ACADSB: variants seen among roughly 807,000 people sequenced by gnomAD.
The protein encoded by ACADSB is acyl-CoA dehydrogenase short/branched chain.
ACADSB carries 40 observed loss-of-function variants against 54.1 expected under a neutral mutation model. The observed-to-expected ratio is 0.74, with a 90% CI of 0.57 to 0.96. The LOEUF (loss-of-function observed/expected upper bound fraction) is 0.96. Among genes scored for constraint, ACADSB ranks in the 40% least tolerant of loss-of-function variants. The pLI is 0.00. For synonymous variants in ACADSB, 182 were observed against 182.8 expected, an observed-to-expected ratio of 1.00 and a Z score of 0.03; for missense variants, 530 against 510.4, an observed-to-expected ratio of 1.04 and a Z score of -0.37.
chr10:123,025,285 C>T (rs1172245862), intron 1 of ACADSB, among the ~76,000 whole-genome samples: 1 of 151,642 alleles, frequency 6.6e-6, no homozygotes, highest in Non-Finnish European at 1.5e-5. Context: ...AGCGAGACCT[C>T]GTCTCTGCAA....
chr10:123,036,523 C>T (rs1850401152), intron 2 of ACADSB, among the ~76,000 whole-genome samples: 2 of 152,214 alleles, frequency 1.3e-5, no homozygotes, highest in Admixed American at 1.3e-4. Context: ...TCTTGATTCT[C>T]TGTCTTCAGT....
At chr10:123,046,056 T>G (rs771081412) in intron 7 of ACADSB, among the ~76,000 whole-genome samples, 6 of 152,208 alleles carry the variant, frequency 3.9e-5, no homozygotes, top group Non-Finnish European at 7.3e-5. Context: ...ATTATTTCAG[T>G]CTTCGTGTCA....
chr10:123,046,753 AGACG>A (rs1445050028), intron 7 of ACADSB, among the ~76,000 whole-genome samples: 1 of 152,228 alleles, frequency 6.6e-6, no homozygotes, highest in African/African-American at 2.4e-5. Flanking sequence ...TATACAAAAT[AGACG>A]GAAAGGTAGA....
At chr10:123,012,379 C>T (rs901996513) in intron 1 of ACADSB, among the ~76,000 whole-genome samples, 1 of 152,160 alleles carries the variant, frequency 6.6e-6, no homozygotes, top group Non-Finnish European at 1.5e-5. Context: ...GCTTGATCCC[C>T]AGTGCGGAGG....
At position 123,056,825 on chromosome 10, in the gene ACADSB, A is replaced by T. The variant is rs1451966799; in HGVS notation, c.*3060A>T. 1 of 152,608 alleles carries T rather than the reference A, an allele frequency of 6.6e-6. No individual in the cohort carries two copies. The highest frequency in any genetic ancestry group is 6.5e-5 in the Admixed American group (1 of 15,284). 9.5% of individuals were successfully genotyped at this position (152,608 alleles called of 1,614,324 possible). On this transcript the variant is annotated 3_prime_UTR_variant, in exon 11 of 11. Transcript: ENST00000358776. ...TGCACATTCATGTTTATTGAAGTGG[A>T]CTAATTTCTATAATGCAAATCAGAG...
intron 1 of ACADSB, among the ~76,000 whole-genome samples, chr10:123,017,939 T>G (rs1344875782): frequency 2.0e-5 from 3 of 152,216 alleles, no homozygotes; most frequent in Admixed American, 2.0e-4. Context: ...AGTTTAATCA[T>G]GCAGATGAAG....
intron 1 of ACADSB, among the ~76,000 whole-genome samples, chr10:123,021,156 GAA>G (rs1195824738): frequency 6.6e-6 from 1 of 152,178 alleles, no homozygotes; most frequent in East Asian, 1.9e-4. Flanking sequence ...TCAAGGGAGA[GAA>G]AGCCAAATTT....
chr10:123,028,828 C>G (rs922405797), intron 1 of ACADSB, among the ~76,000 whole-genome samples: 2 of 151,866 alleles, frequency 1.3e-5, no homozygotes. Flanking sequence ...GCCAGGAGTT[C>G]AAGGCCAGCC....
intron 1 of ACADSB, among the ~76,000 whole-genome samples, chr10:123,021,110 C>A (rs1850179049): frequency 6.6e-6 from 1 of 152,222 alleles, no homozygotes; most frequent in Non-Finnish European, 1.5e-5. Context: ...AAACAAGCAT[C>A]TTTCATTATC....
intron 1 of ACADSB, among the ~76,000 whole-genome samples, chr10:123,028,988 C>T (rs535025965): frequency 6.6e-6 from 1 of 152,158 alleles, no homozygotes; most frequent in African/African-American, 2.4e-5. Context: ...TACACACAAC[C>T]CACCTTTGCT....
chr10:123,024,090 TC>T (rs1850217493), intron 1 of ACADSB, among the ~76,000 whole-genome samples: 1 of 152,198 alleles, frequency 6.6e-6, no homozygotes, highest in East Asian at 1.9e-4. Flanking sequence ...CTGGATGTAA[TC>T]CCCAACTTTT....
In ACADSB at chr10:123,050,436, A is replaced by G. The variant is rs559485115; in HGVS notation, c.991-613A>G. 3.0e-4 allele frequency among the ~76,000 whole-genome samples: 45 copies of G among 152,328 alleles called. No homozygotes were observed. In the South Asian group the frequency reaches 9.1e-3, roughly 31 times the overall value. The stretch of plus-strand genomic sequence containing the variant: ...AGAAACATTTCAGTTTGTAGTAAAC[A>G]TCTGTGCCTGTTATTTGCAGGAAAT... On this transcript the variant is annotated intron_variant, in intron 8 of 10. Transcript: ENST00000358776.
intron 1 of ACADSB, among the ~76,000 whole-genome samples, chr10:123,023,792 C>CTT (rs1410668423): frequency 2.0e-5 from 3 of 152,234 alleles, no homozygotes; most frequent in Non-Finnish European, 4.4e-5. Context: ...TCCCATTCAG[C>CTT]AGCAAACTCC....
rs1432244377 is a variant in ACADSB, at chr10:123,054,718, G to A, written c.*953G>A. 1.3e-5 allele frequency: 2 copies of A among 152,160 alleles called. No individual in the cohort carries two copies. Among genetic ancestry groups the A allele is most frequent in the Non-Finnish European group, 2.9e-5 (2 of 68,010 alleles). 9.4% of individuals were successfully genotyped at this position (152,160 alleles called of 1,614,324 possible). A position where few individuals can be genotyped will look rare whatever the true frequency, so the allele number is the denominator to read the frequency against. ...AAAGATACATTTTATGGTGGTTTCA[G>A]TAGGTCATTTTAAAAACCAATGTGC... On this transcript the variant is annotated 3_prime_UTR_variant, in exon 11 of 11. Transcript: ENST00000358776.
chr10:123,037,899 C>A, intron 3 of ACADSB, 52 bp downstream of exon 3: 1 of 1,288,828 alleles, frequency 7.8e-7, no homozygotes, highest in Non-Finnish European at 1.1e-6. Context: ...AATTCAGGGA[C>A]TGTAATGATA....
At chr10:123,045,149 ATATATATATATATATATATATAT>A (rs1850537214) in intron 7 of ACADSB, among the ~76,000 whole-genome samples, 2 of 10,022 alleles carry the variant, frequency 2.0e-4, no homozygotes, top group Non-Finnish European at 4.8e-4. Flanking sequence ...ATATATATAT[ATATATATATATATATATATATAT>A]TTTTTTTTTT....
chr10:123,051,753 T>C (rs1289677962), intron 9 of ACADSB, among the ~76,000 whole-genome samples: 1 of 152,212 alleles, frequency 6.6e-6, no homozygotes, highest in East Asian at 1.9e-4. Context: ...CTCAGCAGTA[T>C]CTTATTCATT....
chr10:123,037,464 A>C (rs989488640), intron 2 of ACADSB, among the ~76,000 whole-genome samples: 2 of 152,322 alleles, frequency 1.3e-5, no homozygotes, highest in Non-Finnish European at 2.9e-5. Flanking sequence ...CTTTGGGTAG[A>C]GTGGAAATGG....
intron 4 of ACADSB, 88 bp downstream of exon 4, chr10:123,040,760 T>G (rs1850462760): frequency 1.6e-6 from 2 of 1,272,594 alleles, no homozygotes; most frequent in Admixed American, 1.8e-5. Context: ...CAATGTCGAC[T>G]TTACTATCCA....
Sources: allele counts gnomAD v4.1 joint callset (sites outside exome capture counted in the v4.1 genomes callset), GRCh38; gene constraint gnomAD v4.1.1; transcripts MANE v1.5; gene names NCBI Gene and HGNC (gene_info 2026-07-23, HGNC 2026-07-21).